The following ATM variants were observed in gnomAD, a reference collection of about 807,000 sequenced individuals.
ATM encodes the protein serine-protein kinase ATM.
A neutral mutation model predicts 387.0 loss-of-function variants in ATM; 308 were observed. That is an observed-to-expected ratio of 0.80 (90% CI 0.73 to 0.87). The LOEUF (loss-of-function observed/expected upper bound fraction) is 0.87, where lower values mean the gene tolerates loss of function less well. ATM is among the 40% of genes least tolerant of loss of function. The probability of loss-of-function intolerance (pLI) is 0.00; values close to 1 mark genes in which losing one functional copy is unlikely to be tolerated. For synonymous variants in ATM, 1,156 were observed against 1,187.3 expected, an observed-to-expected ratio of 0.97 and a Z score of 0.54; for missense variants, 3,312 against 3,560.9, an observed-to-expected ratio of 0.93 and a Z score of 1.78.
chr11:108,277,229 G>T (rs1244756687), intron 22 of ATM, among the ~76,000 whole-genome samples: 1 of 152,140 alleles, frequency 6.6e-6, no homozygotes, highest in Non-Finnish European at 1.5e-5. Flanking sequence ...CCAAGCTTCA[G>T]TGTCCCAGGT....
intron 8 of ATM, 91 bp downstream of exon 8, chr11:108,247,218 A>G (rs2135271915): frequency 7.9e-7 from 1 of 1,272,586 alleles, no homozygotes. Flanking sequence ...CTGTGTTCTC[A>G]CAAAAAGCCT....
chr11:108,284,607 T>C (rs1299854856), intron 26 of ATM, 134 bp downstream of exon 26: 28 of 1,222,660 alleles, frequency 2.3e-5, no homozygotes, highest in Non-Finnish European at 3.2e-5. Context: ...TTATCTAGCA[T>C]AGCCAACCCA....
intron 5 of ATM, among the ~76,000 whole-genome samples, chr11:108,241,686 T>A (rs571246098): frequency 1.4e-4 from 21 of 151,850 alleles, no homozygotes; most frequent in African/African-American, 4.1e-4. Context: ...TTTAGTAATA[T>A]GCATTTAAGG....
At chr11:108,338,071 G>A (rs577267255) in intron 56 of ATM, among the ~76,000 whole-genome samples, 3 of 152,314 alleles carry the variant, frequency 2.0e-5, no homozygotes, top group South Asian at 2.1e-4. Flanking sequence ...ATTTCTAGCC[G>A]GGCATGGTGG....
Position 108,312,420 on chromosome 11 carries a change from A to C in ATM, c.5928A>C (p.Ala1976=). Residue 1976 remains alanine, a synonymous_variant, in exon 40 of 63, where the codon GCA becomes GCC. Coordinates refer to ENST00000675843, the MANE Select transcript of ATM (RefSeq NM_000051.4). ...TTCTTGTGACAAACAGAAGTCTTGCATTTGAAGAAGGAAGCCAGAGTACAA... is the reference window on the plus strand; with the variant it reads ...TTCTTGTGACAAACAGAAGTCTTGCCTTTGAAGAAGGAAGCCAGAGTACAA... ...SMDDQEKRSL[A]FEEGSQSTTI... The C allele has an allele frequency of 6.3e-7, 1 of 1,592,394 alleles. No homozygotes were observed. Among genetic ancestry groups the C allele is most frequent in the Non-Finnish European group, 8.6e-7 (1 of 1,160,442 alleles).
intron 16 of ATM, among the ~76,000 whole-genome samples, chr11:108,261,692 G>T (rs1169334677): frequency 6.6e-6 from 1 of 151,998 alleles, no homozygotes; most frequent in Non-Finnish European, 1.5e-5. Flanking sequence ...TCTGAGCTAC[G>T]GGAGGACATT....
At chr11:108,293,550 C>A in intron 31 of ATM, 73 bp downstream of exon 31, 1 of 1,299,608 alleles carries the variant, frequency 7.7e-7, no homozygotes, top group South Asian at 1.3e-5. Flanking sequence ...CTGTAATGCT[C>A]TAGCAGTAAA....
chr11:108,272,136 A>G (rs1273342302), intron 20 of ATM, among the ~76,000 whole-genome samples: 1 of 152,132 alleles, frequency 6.6e-6, no homozygotes, highest in Non-Finnish European at 1.5e-5. Context: ...TGGCCTCCCA[A>G]AGTGTTGGGA....
At chr11:108,238,421 G>T (rs2079405574) in intron 5 of ATM, among the ~76,000 whole-genome samples, 1 of 151,924 alleles carries the variant, frequency 6.6e-6, no homozygotes, top group Non-Finnish European at 1.5e-5. Flanking sequence ...CAAAGTGTTG[G>T]GATTATAGGC....
chr11:108,284,536 T>G, intron 26 of ATM, 63 bp downstream of exon 26: 1 of 1,585,438 alleles, frequency 6.3e-7, no homozygotes, highest in Non-Finnish European at 8.6e-7. Flanking sequence ...ACCTTTAAGT[T>G]TTAAGGCTAT....
At position 108,223,092 on chromosome 11, in the gene ATM, A is replaced by G. The variant is rs1432500581; in HGVS notation, c.-125A>G. 2 of 180,672 alleles carry G rather than the reference A, an allele frequency of 1.1e-5. No individual in the cohort carries two copies. The highest frequency in any genetic ancestry group is 1.2e-5 in the Non-Finnish European group (1 of 83,660). 11.2% of individuals were successfully genotyped at this position (180,672 alleles called of 1,614,324 possible). A position where few individuals can be genotyped will look rare whatever the true frequency, so the allele number is the denominator to read the frequency against. ...AGGTAGCTGCGTGGCTAACGGAGAA[A>G]AGAAGCCGTGGCCGCGGGAGGAGGC... On this transcript the variant is annotated 5_prime_UTR_variant, in exon 1 of 63. Transcript: ENST00000675843.
intron 20 of ATM, 60 bp downstream of exon 20, chr11:108,271,466 A>C (rs2081580884): frequency 1.3e-6 from 2 of 1,572,476 alleles, no homozygotes; most frequent in South Asian, 2.2e-5. Context: ...TACGAATGCA[A>C]GTTTTGTATC....
chr11:108,254,927 G>A (rs2080381288), intron 13 of ATM, among the ~76,000 whole-genome samples: 1 of 152,184 alleles, frequency 6.6e-6, no homozygotes, highest in Non-Finnish European at 1.5e-5. Context: ...AGGATTACAG[G>A]CGTGAGCCAC....
intron 25 of ATM, among the ~76,000 whole-genome samples, chr11:108,283,244 A>G (rs758535500): frequency 3.8e-4 from 58 of 152,216 alleles, no homozygotes; most frequent in Middle Eastern, 3.2e-3. Flanking sequence ...AAGATAAATT[A>G]CTAGTAGCTG....
intron 16 of ATM, among the ~76,000 whole-genome samples, chr11:108,262,252 A>G (rs994305187): frequency 3.9e-5 from 6 of 152,262 alleles, no homozygotes; most frequent in African/African-American, 1.2e-4. Context: ...GGTTACCCTG[A>G]GAGGGAAGCA....
At position 108,289,752 on chromosome 11, in the gene ATM, T is replaced by C. The variant is rs549106928; in HGVS notation, c.4387T>C (p.Phe1463Leu). ...AAGTGGCTTAGGAGGAGCTTGGGCC[T>C]TTGTTCTTCGAGACGTTATTTATAC... ...IKSGLGGAWA[F>L]VLRDVIYTLI... The change falls in exon 29 of 63, where the codon TTT becomes CTT. Residue 1463 changes from phenylalanine to leucine, a missense_variant. By Grantham distance (22) the Phe-to-Leu change is conservative. Around this residue, in one of 4 missense-constraint regions of ATM, gnomAD observed 1,791 missense variants for 1,804.5 expected, o/e 0.99. Transcript: ENST00000675843. The C allele has an allele frequency of 1.9e-6, 3 of 1,613,678 alleles. No homozygotes were observed. The African/African-American group carries it at 4.0e-5, about 22-fold the overall frequency.
Position 108,331,908 on chromosome 11 carries a change from C to T in ATM, c.7659C>T (p.Pro2553=), listed in dbSNP as rs1591171386. 1 of 1,613,806 alleles carries T rather than the reference C, an allele frequency of 6.2e-7. No homozygotes were observed. Among genetic ancestry groups the T allele is most frequent in the Non-Finnish European group, 8.5e-7 (1 of 1,179,852 alleles). ...TCTCTAGAATTTCAATGGATCACCCCCATCACACTTTGTTTATTATACTGG... is the reference window on the plus strand; with the variant it reads ...TCTCTAGAATTTCAATGGATCACCCTCATCACACTTTGTTTATTATACTGG... The part of the protein sequence containing the change: ...NLISRISMDH[P]HHTLFIILAL... The change falls in exon 52 of 63, where the codon CCC becomes CCT. Residue 2553 remains proline (P), a synonymous_variant. Transcript: ENST00000675843.
At chr11:108,250,157 T>C (rs2080054480) in intron 9 of ATM, among the ~76,000 whole-genome samples, 1 of 150,810 alleles carries the variant, frequency 6.6e-6, no homozygotes. Context: ...TATATATATA[T>C]ATATATATTT....
intron 39 of ATM, among the ~76,000 whole-genome samples, chr11:108,311,877 A>G (rs778117207): frequency 2.0e-5 from 3 of 152,188 alleles, no homozygotes; most frequent in Non-Finnish European, 4.4e-5. Context: ...TATAAAATGC[A>G]TAAAGTTAAG....
Sources: allele counts gnomAD v4.1 joint callset (sites outside exome capture counted in the v4.1 genomes callset), GRCh38; gene constraint gnomAD v4.1.1; regional missense constraint gnomAD v4.1.1; transcripts MANE v1.5; gene names NCBI Gene and HGNC (gene_info 2026-07-23, HGNC 2026-07-21).